CRHR2: variants seen among roughly 807,000 people sequenced by gnomAD.
The protein encoded by CRHR2 is corticotropin-releasing hormone receptor 2.
CRHR2 carries 53 observed loss-of-function variants against 57.9 expected under a neutral mutation model. That is an observed-to-expected ratio of 0.92 (90% CI 0.73 to 1.15). The LOEUF is 1.15. Ranked by LOEUF, CRHR2 falls within the 50% of genes most tolerant of loss-of-function variation. The pLI is 0.00. For synonymous variants in CRHR2, 213 were observed against 220.9 expected (o/e 0.96, Z 0.32); for missense variants, 532 against 542.6 (o/e 0.98, Z 0.19).
chr7:30,656,574 C>T lies in CRHR2; in HGVS notation c.832-562G>A, dbSNP rs2267710. On this transcript the variant is annotated intron_variant, in intron 8 of 11. Transcript: ENST00000471646. This position sits in a 1 kb window ranked among gnomAD's most constrained non-coding sequence, Gnocchi z 4.4. ...CTGTGCCCAGGAACTCCAGAGCCTT[C>T]GTAGGCACCCTAGACAGGGAAGATG... Among the ~76,000 whole-genome samples the T allele has an allele frequency of 0.66, 100,608 of 152,090 alleles. 33,626 individuals are homozygous for T. Among genetic ancestry groups the T allele is most frequent in the Middle Eastern group, 0.7 (205 of 292 alleles).
intron 2 of CRHR2, among the ~76,000 whole-genome samples, chr7:30,671,379 C>T (rs1490797552): frequency 1.3e-5 from 2 of 151,908 alleles, no homozygotes; most frequent in Non-Finnish European, 2.9e-5. Context: ...CCATGAGGGA[C>T]TACTTTTGGT....
intron 2 of CRHR2, among the ~76,000 whole-genome samples, chr7:30,679,568 T>C (rs1292049542): frequency 6.6e-6 from 1 of 151,984 alleles, no homozygotes; most frequent in Non-Finnish European, 1.5e-5. Context: ...CTCAGCTGAG[T>C]TGAAAAATCG....
At chr7:30,694,434 G>C (rs777320151) in intron 1 of CRHR2, among the ~76,000 whole-genome samples, 10 of 152,194 alleles carry the variant, frequency 6.6e-5, no homozygotes, top group Non-Finnish European at 1.5e-4. Context: ...CCGGGGCCCC[G>C]ACAGGCCTCA....
chr7:30,698,956 A>T (rs1015426502), intron 1 of CRHR2, among the ~76,000 whole-genome samples: 3 of 152,200 alleles, frequency 2.0e-5, no homozygotes, highest in Non-Finnish European at 2.9e-5. Context: ...TTGGTTTTGT[A>T]GGCAATTATC....
intron 2 of CRHR2, among the ~76,000 whole-genome samples, chr7:30,680,818 T>TGTGTGTG (rs1784673464): frequency 6.9e-6 from 1 of 145,370 alleles, no homozygotes; most frequent in African/African-American, 2.6e-5. Context: ...TTCTGAAAGC[T>TGTGTGTG]TGTGTGTGTG....
intron 2 of CRHR2, among the ~76,000 whole-genome samples, chr7:30,687,623 T>C (rs779947856): frequency 6.6e-6 from 1 of 152,196 alleles, no homozygotes; most frequent in Non-Finnish European, 1.5e-5. Context: ...TGTGGATCCC[T>C]TTTGCAAATG....
intron 1 of CRHR2, among the ~76,000 whole-genome samples, chr7:30,689,726 C>A (rs1169197005): frequency 6.6e-6 from 1 of 152,160 alleles, no homozygotes; most frequent in African/African-American, 2.4e-5. Flanking sequence ...AGTCCCAGGC[C>A]AGGTAGGGAT....
intron 1 of CRHR2, chr7:30,699,912 C>A: frequency 1.3e-6 from 2 of 1,488,408 alleles, no homozygotes; most frequent in South Asian, 1.3e-5. Flanking sequence ...TCCTGGCGCC[C>A]CACCTCGTGG....
intron 2 of CRHR2, among the ~76,000 whole-genome samples, chr7:30,678,878 A>G (rs1176467445): frequency 6.6e-6 from 1 of 152,068 alleles, no homozygotes; most frequent in Non-Finnish European, 1.5e-5. Context: ...CTGTGCAGAA[A>G]TCCCCTTACT....
chr7:30,690,165 G>A (rs370694287), intron 1 of CRHR2, among the ~76,000 whole-genome samples: 52 of 152,240 alleles, frequency 3.4e-4, no homozygotes, highest in African/African-American at 1.2e-3. Flanking sequence ...ACAGTTTTAC[G>A]GCATGTACGA....
At chr7:30,691,561 C>A (rs1784961435) in intron 1 of CRHR2, among the ~76,000 whole-genome samples, 1 of 152,222 alleles carries the variant, frequency 6.6e-6, no homozygotes, top group Admixed American at 6.5e-5. Flanking sequence ...CTGTGGCCAT[C>A]TTCTGGCTGA....
intron 2 of CRHR2, among the ~76,000 whole-genome samples, chr7:30,668,165 G>A (rs1464155287): frequency 1.3e-5 from 2 of 152,252 alleles, no homozygotes; most frequent in African/African-American, 2.4e-5. Context: ...AAAAGTGCAG[G>A]TTTTGTCAAG....
rs1345971666 is a variant in CRHR2, at chr7:30,652,683, T to C, written c.*777A>G. Reference sequence around the variant, plus strand: ...GTATGAGTTTCAATCACTGAAGACATGGTTGGTTTCTGCTATTCCCATCCC... The same window carrying C: ...GTATGAGTTTCAATCACTGAAGACACGGTTGGTTTCTGCTATTCCCATCCC... On this transcript the variant is annotated 3_prime_UTR_variant, in exon 12 of 12. Transcript: ENST00000471646. The surrounding 1 kb of genome is among the most constrained non-coding windows in gnomAD (Gnocchi z 4.4). 1 of 152,348 alleles carries C rather than the reference T, an allele frequency of 6.6e-6. No individual in the cohort carries two copies. 9.4% of individuals were successfully genotyped at this position (152,348 alleles called of 1,614,324 possible). A position where few individuals can be genotyped will look rare whatever the true frequency, so the allele number is the denominator to read the frequency against.
intron 1 of CRHR2, among the ~76,000 whole-genome samples, chr7:30,698,856 C>T (rs996584995): frequency 6.6e-6 from 1 of 152,200 alleles, no homozygotes; most frequent in African/African-American, 2.4e-5. Context: ...CAGTAAGCAC[C>T]GTTGTGATCC....
At chr7:30,692,076 TCTC>T (rs1267366160) in intron 1 of CRHR2, among the ~76,000 whole-genome samples, 2 of 152,234 alleles carry the variant, frequency 1.3e-5, no homozygotes, top group Non-Finnish European at 2.9e-5. Flanking sequence ...TGAGCCTTGA[TCTC>T]CTCATCTTTA....
chr7:30,694,899 A>T (rs1267045461), intron 1 of CRHR2, among the ~76,000 whole-genome samples: 1 of 132,282 alleles, frequency 7.6e-6, no homozygotes, highest in East Asian at 2.4e-4. Context: ...GGGGATGATG[A>T]GGAGAGAAGA....
chr7:30,654,356 G>A lies in CRHR2; in HGVS notation c.1095+683C>T, dbSNP rs368989911. Among the ~76,000 whole-genome samples the A allele has an allele frequency of 1.0e-3, 156 of 152,290 alleles. No individual in the cohort carries two copies. In the South Asian group the frequency reaches 0.032, roughly 31 times the overall value. On this transcript the variant is annotated intron_variant, in intron 11 of 11. Coordinates refer to ENST00000471646, the MANE Select transcript of CRHR2 (RefSeq NM_001883.5). ...TCTCTGCTGATGGACTTTGCAAGTG[G>A]AATGTGCTATCATCCACAGAGACAC...
intron 2 of CRHR2, chr7:30,688,940 C>T (rs1461890929): frequency 8.3e-6 from 5 of 605,194 alleles, no homozygotes; most frequent in Admixed American, 6.4e-5. Context: ...AGCTGACTTC[C>T]ATCGTGGGAG....
rs1289330457 is a variant in CRHR2 at position 30,655,174 on chromosome 7, G to GT, written c.1054-95_1054-94insA. On this transcript the variant is annotated intron_variant, in intron 10 of 11. Transcript: ENST00000471646. ...CACTGGGGACAAGATGGTGGGGGGGGGACAATTTGACCCAGGAACCCCTGG... is the reference window on the plus strand; with the variant it reads ...CACTGGGGACAAGATGGTGGGGGGGGTGACAATTTGACCCAGGAACCCCTGG... 3.6e-6 allele frequency: 5 copies of GT among 1,391,050 alleles called. No homozygotes were observed. The East Asian group carries it at 1.2e-4, about 34-fold the overall frequency. 86.2% of individuals were successfully genotyped at this position (1,391,050 alleles called of 1,614,324 possible).
Sources: allele counts gnomAD v4.1 joint callset (sites outside exome capture counted in the v4.1 genomes callset), GRCh38; gene constraint gnomAD v4.1.1; non-coding constraint Gnocchi (gnomAD v3.1); transcripts MANE v1.5; gene names NCBI Gene and HGNC (gene_info 2026-07-23, HGNC 2026-07-21).